The following ATF6 variants were observed in gnomAD, a reference collection of about 807,000 sequenced individuals.
ATF6 encodes the protein activating transcription factor 6.
A neutral mutation model predicts 83.6 loss-of-function variants in ATF6; 53 were observed. The ratio of observed to expected loss-of-function variants is 0.63; its 90% CI spans 0.51 to 0.80. The LOEUF is 0.80. ATF6 is among the 30% of genes least tolerant of loss of function. The probability of loss-of-function intolerance (pLI) is 0.00; values close to 1 mark genes in which losing one functional copy is unlikely to be tolerated. For missense variants in ATF6, 744 were observed against 797.9 expected (o/e 0.93, Z 0.81); for synonymous variants, 288 against 285.8 (o/e 1.01, Z -0.08).
chr1:161,858,566 G>A (rs1036814915), intron 12 of ATF6, among the ~76,000 whole-genome samples: 4 of 152,102 alleles, frequency 2.6e-5, no homozygotes, highest in Non-Finnish European at 5.9e-5. Context: ...AGCATACAAG[G>A]AAGATAAAAC....
intron 14 of ATF6, among the ~76,000 whole-genome samples, chr1:161,880,609 G>T (rs55828249): frequency 0.15 from 22,038 of 151,940 alleles, 2,181 homozygotes; most frequent in East Asian, 0.32. Context: ...TCAGTAGTTC[G>T]TCTTTACTGC....
At position 161,792,112 on chromosome 1, in the gene ATF6, GTTTT is replaced by G; in HGVS notation, c.485-10_485-7del. The stretch of plus-strand genomic sequence containing the variant: ...TTCACATTGACTTGTGGTTTGTCTG[GTTTT>G]TCTCCAGAAAATGGACTGACTCCAA... On this transcript the variant is annotated splice_region_variant and splice_polypyrimidine_tract_variant and intron_variant, in intron 5 of 15. Coordinates refer to ENST00000367942, the MANE Select transcript of ATF6 (RefSeq NM_007348.4). 1 of 1,612,856 alleles carries G rather than the reference GTTTT, an allele frequency of 6.2e-7. No homozygotes were observed. Among genetic ancestry groups the G allele is most frequent in the South Asian group, 1.1e-5 (1 of 91,062 alleles).
chr1:161,834,992 C>T (rs1686177214), intron 9 of ATF6, among the ~76,000 whole-genome samples: 1 of 152,162 alleles, frequency 6.6e-6, no homozygotes, highest in African/African-American at 2.4e-5. Flanking sequence ...TGATGGGATG[C>T]ACTGAGAAGG....
At chr1:161,811,490 T>A (rs182424262) in intron 7 of ATF6, among the ~76,000 whole-genome samples, 1 of 152,346 alleles carries the variant, frequency 6.6e-6, no homozygotes, top group Non-Finnish European at 1.5e-5. Flanking sequence ...CTGACACATG[T>A]TAAACTTTGG....
chr1:161,801,993 TG>T (rs1685160386), intron 6 of ATF6, 58 bp from the exon 7 acceptor site: 1 of 1,545,370 alleles, frequency 6.5e-7, no homozygotes, highest in Non-Finnish European at 8.9e-7. Context: ...AATTATAAGC[TG>T]CTTCCCCTGC....
intron 14 of ATF6, among the ~76,000 whole-genome samples, chr1:161,889,555 T>C (rs936682397): frequency 6.6e-6 from 1 of 152,186 alleles, no homozygotes; most frequent in African/African-American, 2.4e-5. Context: ...ATCTTACTAA[T>C]TGGAAGATCA....
intron 9 of ATF6, among the ~76,000 whole-genome samples, chr1:161,832,311 T>C (rs1014409035): frequency 6.6e-6 from 1 of 152,216 alleles, no homozygotes; most frequent in Non-Finnish European, 1.5e-5. Context: ...AGCTCCAGTC[T>C]ACAGCTCCCA....
At chr1:161,805,392 T>C (rs1249719844) in intron 7 of ATF6, among the ~76,000 whole-genome samples, 1 of 152,144 alleles carries the variant, frequency 6.6e-6, no homozygotes, top group African/African-American at 2.4e-5. Flanking sequence ...CTAAGGACAA[T>C]TAGAATAATT....
intron 9 of ATF6, among the ~76,000 whole-genome samples, chr1:161,830,250 G>T (rs1430812867): frequency 6.6e-6 from 1 of 152,138 alleles, no homozygotes; most frequent in Non-Finnish European, 1.5e-5. Flanking sequence ...GGGATGTGAA[G>T]GACCTCTTCA....
chr1:161,850,390 C>A (rs528636823), intron 10 of ATF6, among the ~76,000 whole-genome samples: 137 of 152,162 alleles, frequency 9.0e-4, no homozygotes, highest in African/African-American at 3.1e-3. Context: ...TGCTCTTACC[C>A]CAGTTTCTAT....
chr1:161,877,188 G>A (rs146355048), intron 14 of ATF6, among the ~76,000 whole-genome samples: 1 of 152,116 alleles, frequency 6.6e-6, no homozygotes, highest in East Asian at 1.9e-4. Context: ...TTTTCAGGAA[G>A]TATGTACTGA....
intron 2 of ATF6, 98 bp from the exon 3 acceptor site, chr1:161,781,811 TAGC>T: frequency 1.4e-6 from 1 of 699,740 alleles, no homozygotes; most frequent in South Asian, 1.9e-5. Flanking sequence ...GGTTGGCTAA[TAGC>T]AGTTAAATTA....
intron 15 of ATF6, among the ~76,000 whole-genome samples, chr1:161,915,674 G>A (rs1020524330): frequency 2.0e-5 from 3 of 151,250 alleles, no homozygotes; most frequent in Non-Finnish European, 4.4e-5. Flanking sequence ...CCCAGGCTGG[G>A]GTACAATGGC....
At chr1:161,881,373 A>C (rs1411821251) in intron 14 of ATF6, among the ~76,000 whole-genome samples, 2 of 152,108 alleles carry the variant, frequency 1.3e-5, no homozygotes, top group East Asian at 3.9e-4. Context: ...TGCCGAACTA[A>C]GGGTCTCAGT....
chr1:161,834,301 A>T (rs937875391), intron 9 of ATF6, among the ~76,000 whole-genome samples: 1 of 152,168 alleles, frequency 6.6e-6, no homozygotes, highest in Non-Finnish European at 1.5e-5. Flanking sequence ...ATTATAAATC[A>T]TGCTGCTATA....
chr1:161,942,081 G>A (rs570363009), intron 15 of ATF6, among the ~76,000 whole-genome samples: 1 of 152,052 alleles, frequency 6.6e-6, no homozygotes, highest in African/African-American at 2.4e-5. Flanking sequence ...CAATACAACA[G>A]CTTTCTCTGG....
chr1:161,958,601 G>T lies in ATF6; in HGVS notation c.1960G>T (p.Ala654Ser), dbSNP rs144131817. Residue 654 changes from alanine to serine, a missense_variant, in exon 16 of 16, where the codon GCA (alanine) becomes TCA (serine). Coordinates refer to ENST00000367942, the MANE Select transcript of ATF6 (RefSeq NM_007348.4). ...QTNTFFGSPP[A>S]ATEATHVVST... Reference sequence around the variant, plus strand: ...CAACACCTTCTTTGGCTCCCCTCCCGCAGCCACAGAGGCAACCCACGTTGT... The same window carrying T: ...CAACACCTTCTTTGGCTCCCCTCCCTCAGCCACAGAGGCAACCCACGTTGT... 2 of 1,613,330 alleles carry T rather than the reference G, an allele frequency of 1.2e-6. No homozygotes were observed. Among genetic ancestry groups the T allele is most frequent in the South Asian group, 1.1e-5 (1 of 91,016 alleles).
intron 7 of ATF6, among the ~76,000 whole-genome samples, chr1:161,807,340 T>C (rs1685312521): frequency 6.6e-6 from 1 of 152,230 alleles, no homozygotes; most frequent in Non-Finnish European, 1.5e-5. Context: ...CATCCAAGAA[T>C]AGGACGCTGG....
rs10524670 is a variant in ATF6, at chr1:161,947,810, C to CTTTTTT, written c.1805-10610_1805-10605dup. 3.1e-3 allele frequency among the ~76,000 whole-genome samples: 176 copies of CTTTTTT among 57,582 alleles called. 22 individuals are homozygous for CTTTTTT. The highest frequency in any genetic ancestry group is 0.013 in the East Asian group (18 of 1,438). The allele number at this position is 57,582 out of a possible 152,430, so 37.8% of individuals were successfully genotyped here. ...ATATTCCATAGTCCTTAAGCCACGC[C>CTTTTTT]TTTTTTTTTTTTTTTTTTTTTTTTT... On this transcript the variant is annotated intron_variant, in intron 15 of 15. Transcript: ENST00000367942.
Sources: gnomAD v4.1 joint callset for allele counts (sites outside exome capture counted in the v4.1 genomes callset) on GRCh38, gnomAD v4.1.1 for gene constraint, MANE v1.5 for transcripts, NCBI Gene and HGNC (gene_info 2026-07-23, HGNC 2026-07-21) for gene names.